The following CAST variants were observed in gnomAD, a reference collection of about 807,000 sequenced individuals.
CAST encodes MIR583 host.
A neutral mutation model predicts 119.6 loss-of-function variants in CAST; 76 were observed. The ratio of observed to expected loss-of-function variants is 0.64; its 90% CI spans 0.53 to 0.77. The LOEUF (loss-of-function observed/expected upper bound fraction) is 0.77. Ranked by LOEUF, CAST falls within the 30% of genes least tolerant of loss-of-function variation. The pLI is 0.00. For missense variants in CAST, 953 were observed against 946.5 expected (o/e 1.01, Z -0.09); for synonymous variants, 319 against 331.6 (o/e 0.96, Z 0.41).
the CAST span, among the ~76,000 whole-genome samples, chr5:96,424,427 C>CTG: frequency 6.6e-6 from 1 of 152,294 alleles, no homozygotes; most frequent in South Asian, 2.1e-4. Flanking sequence ...AGTATGGACT[C>CTG]TGGAGTCGTG....
At chr5:95,985,839 TA>T in the CAST span, among the ~76,000 whole-genome samples, 1 of 152,198 alleles carries the variant, frequency 6.6e-6, no homozygotes, top group Non-Finnish European at 1.5e-5. Flanking sequence ...AAAGCAGATT[TA>T]AAAGAAACTG....
chr5:95,972,572 G>A, the CAST span, among the ~76,000 whole-genome samples: 1 of 151,988 alleles, frequency 6.6e-6, no homozygotes, highest in African/African-American at 2.4e-5. Context: ...TTAAAAAAAA[G>A]AGTTGCTTTC....
chr5:96,733,818 G>A (rs190498487), intron 9 of CAST, among the ~76,000 whole-genome samples: 97 of 152,170 alleles, frequency 6.4e-4, no homozygotes, highest in Middle Eastern at 3.4e-3. Context: ...CAGAGGTTGC[G>A]GTGAGCCAAG....
the CAST span, among the ~76,000 whole-genome samples, chr5:96,514,828 T>C: frequency 6.6e-6 from 1 of 152,192 alleles, no homozygotes; most frequent in Admixed American, 6.5e-5. Context: ...CTCTGCTCAC[T>C]GCAACCTCCA....
the CAST span, among the ~76,000 whole-genome samples, chr5:96,461,827 T>C: frequency 6.6e-6 from 1 of 152,162 alleles, no homozygotes; most frequent in Non-Finnish European, 1.5e-5. Context: ...AAGTCAGGTT[T>C]TGTGCTAAGT....
intron 19 of CAST, among the ~76,000 whole-genome samples, chr5:96,749,548 T>G (rs1764518604): frequency 2.6e-5 from 4 of 152,138 alleles, no homozygotes; most frequent in Admixed American, 6.5e-5. Context: ...TTTGTTTGTT[T>G]TGTTTTGTTT....
chr5:96,682,384 C>G (rs1751532019), intron 2 of CAST, among the ~76,000 whole-genome samples: 3 of 152,106 alleles, frequency 2.0e-5, no homozygotes, highest in Non-Finnish European at 4.4e-5. Context: ...CTTTGTGTCC[C>G]CTTCTTATCC....
At chr5:96,559,904 C>T (rs1265690228) in intron 1 of CAST, among the ~76,000 whole-genome samples, 2 of 152,156 alleles carry the variant, frequency 1.3e-5, no homozygotes, top group African/African-American at 4.8e-5. Flanking sequence ...CAAGTCAATC[C>T]TAAGCCTAAA....
chr5:96,270,254 G>A, the CAST span, among the ~76,000 whole-genome samples: 1 of 151,934 alleles, frequency 6.6e-6, no homozygotes, highest in Non-Finnish European at 1.5e-5. Context: ...GAATAATAAA[G>A]GTCATATATG....
the CAST span, among the ~76,000 whole-genome samples, chr5:96,488,632 C>G: frequency 6.6e-6 from 1 of 152,098 alleles, no homozygotes; most frequent in Non-Finnish European, 1.5e-5. Context: ...GCAGCAGATC[C>G]CTTAGAGTAG....
At chr5:96,583,595 G>A (rs1434670005) in intron 1 of CAST, among the ~76,000 whole-genome samples, 2 of 152,264 alleles carry the variant, frequency 1.3e-5, no homozygotes, top group Admixed American at 1.3e-4. Flanking sequence ...CTCAATATAT[G>A]TAAAATGTTT....
At chr5:96,551,272 TAAAG>T (rs1746121467) in intron 1 of CAST, among the ~76,000 whole-genome samples, 1 of 152,132 alleles carries the variant, frequency 6.6e-6, no homozygotes, top group South Asian at 2.1e-4. Flanking sequence ...TCAACATTCT[TAAAG>T]AAAAGAATTT....
At chr5:96,088,608 A>T in the CAST span, among the ~76,000 whole-genome samples, 1 of 152,134 alleles carries the variant, frequency 6.6e-6, no homozygotes, top group Non-Finnish European at 1.5e-5. Flanking sequence ...TCCATCAGGG[A>T]TTTATTCACT....
the CAST span, among the ~76,000 whole-genome samples, chr5:96,497,500 C>G: frequency 6.6e-6 from 1 of 151,794 alleles, no homozygotes; most frequent in Non-Finnish European, 1.5e-5. Context: ...GTTCCTATTT[C>G]TCCACATCCT....
the CAST span, among the ~76,000 whole-genome samples, chr5:96,131,693 G>T: frequency 6.6e-6 from 1 of 152,132 alleles, no homozygotes; most frequent in South Asian, 2.1e-4. Context: ...TGAGAGCAAT[G>T]AGCCCAGGAA....
At chr5:96,725,083 G>A (rs1019313127) in intron 4 of CAST, among the ~76,000 whole-genome samples, 1 of 152,024 alleles carries the variant, frequency 6.6e-6, no homozygotes, top group Admixed American at 6.6e-5. Flanking sequence ...GAGAATTCTC[G>A]GCAGTCCTGT....
chr5:96,692,798 C>T (rs1752880531), intron 2 of CAST, among the ~76,000 whole-genome samples: 1 of 152,144 alleles, frequency 6.6e-6, no homozygotes, highest in East Asian at 1.9e-4. Context: ...TTTTTGTTGA[C>T]TTACTTAAAG....
chr5:96,524,997 T>C (rs1395736856), upstream of CAST, among the ~76,000 whole-genome samples: 1 of 152,202 alleles, frequency 6.6e-6, no homozygotes, highest in Non-Finnish European at 1.5e-5. Context: ...GTGATTTGTC[T>C]TCACTCCTCA....
At chr5:96,184,268 G>T in the CAST span, among the ~76,000 whole-genome samples, 1 of 152,134 alleles carries the variant, frequency 6.6e-6, no homozygotes, top group Admixed American at 6.6e-5. Flanking sequence ...TCCTAAGTTG[G>T]AAGCACTCTC....
Sources: gnomAD v4.1 joint callset for allele counts (sites outside exome capture counted in the v4.1 genomes callset) on GRCh38, gnomAD v4.1.1 for gene constraint, MANE v1.5 for transcripts, NCBI Gene and HGNC (gene_info 2026-07-23, HGNC 2026-07-21) for gene names.